DOCK11: variants seen among roughly 807,000 people sequenced by gnomAD.
The protein encoded by DOCK11 is dedicator of cytokinesis protein 11.
DOCK11 carries 70 observed loss-of-function variants against 169.1 expected under a neutral mutation model. The ratio of observed to expected loss-of-function variants is 0.41; its 90% CI spans 0.34 to 0.51. DOCK11 has a LOEUF of 0.51. DOCK11 is among the 20% of genes least tolerant of loss of function. The probability of loss-of-function intolerance (pLI) is 0.10; values close to 1 mark genes in which losing one functional copy is unlikely to be tolerated. For synonymous variants in DOCK11, 529 were observed against 541.3 expected (o/e 0.98, Z 0.32); for missense variants, 1,166 against 1,538.8 (o/e 0.76, Z 4.05).
intron 6 of DOCK11, among the ~76,000 whole-genome samples, chrX:118,548,834 A>G (rs2012378256): frequency 8.9e-6 from 1 of 112,318 alleles, no homozygotes; most frequent in Non-Finnish European, 1.9e-5. Flanking sequence ...AATTTATTAC[A>G]ACAGCAATAG....
chrX:118,638,009 T>G (rs952679777), intron 36 of DOCK11, 71 bp from the exon 37 acceptor site: 13 of 925,844 alleles, frequency 1.4e-5, no homozygotes, highest in Non-Finnish European at 2.0e-5. Flanking sequence ...ACTTATGACT[T>G]TTAAAATATC....
At chrX:118,535,066 G>A (rs1357181686) in intron 1 of DOCK11, among the ~76,000 whole-genome samples, 4 of 112,316 alleles carry the variant, frequency 3.6e-5, no homozygotes, top group Non-Finnish European at 7.5e-5. Context: ...TCATCAGGGC[G>A]ATAGGAAGGC....
Position 118,566,178 on chromosome X carries a change from A to G in DOCK11, c.867A>G (p.Ala289=), listed in dbSNP as rs2286977. The G allele has an allele frequency of 0.37, 439,715 of 1,193,408 alleles. 55,847 individuals are homozygous for G. Among genetic ancestry groups the G allele is most frequent in the East Asian group, 0.56 (18,944 of 33,562 alleles). ...VQEKKETVET[A]QDDETSSQGK... is the part of the protein sequence containing the mutation. ...AAAAAAAGGAGACGGTAGAAACAGC[A>G]CAAGGTCAGAATTTTAAAGTGATTT... The change falls in exon 8 of 53, where the codon GCA becomes GCG. Residue 289 remains alanine (A), a synonymous_variant. Coordinates refer to ENST00000276202, the MANE Select transcript of DOCK11 (RefSeq NM_144658.4).
At chrX:118,527,272 A>G (rs2011398860) in intron 1 of DOCK11, among the ~76,000 whole-genome samples, 1 of 112,513 alleles carries the variant, frequency 8.9e-6, no homozygotes, top group African/African-American at 3.2e-5. Context: ...CAATTGATAT[A>G]GATCCAGTCA....
At chrX:118,587,776 A>G (rs1338641702) in intron 16 of DOCK11, among the ~76,000 whole-genome samples, 1 of 112,366 alleles carries the variant, frequency 8.9e-6, no homozygotes, top group African/African-American at 3.2e-5. Flanking sequence ...CCTGATACCA[A>G]TAAAAATTTG....
chrX:118,533,371 A>C (rs1652838168), intron 1 of DOCK11, among the ~76,000 whole-genome samples: 1 of 112,364 alleles, frequency 8.9e-6, no homozygotes, highest in African/African-American at 3.2e-5. Context: ...GGTAGAGATA[A>C]TTTCAATTAA....
chrX:118,605,605 T>C (rs1381202613), intron 24 of DOCK11, among the ~76,000 whole-genome samples: 2 of 112,341 alleles, frequency 1.8e-5, no homozygotes, highest in South Asian at 3.7e-4. Flanking sequence ...GATTGATTTC[T>C]AGTTTCATTC....
intron 37 of DOCK11, 44 bp from the exon 38 acceptor site, chrX:118,639,391 T>C: frequency 2.5e-6 from 3 of 1,178,725 alleles, no homozygotes; most frequent in Non-Finnish European, 3.4e-6. Flanking sequence ...CATTGAGATA[T>C]GTTATTAGAG....
chrX:118,536,858 C>T (rs759725158), intron 1 of DOCK11, among the ~76,000 whole-genome samples: 6 of 111,350 alleles, frequency 5.4e-5, no homozygotes, highest in African/African-American at 1.6e-4. Flanking sequence ...TCTGTGCTGC[C>T]GGAAATTGCA....
At chrX:118,516,004 A>ACTCTATATATATATATATATATATAT (rs1436837389) in intron 1 of DOCK11, among the ~76,000 whole-genome samples, 2 of 44,944 alleles carry the variant, frequency 4.4e-5, no homozygotes, top group Admixed American at 2.8e-4. Flanking sequence ...GATTTGGGCA[A>ACTCTATATATATATATATATATATAT]ATATATATAT....
chrX:118,557,578 A>G (rs2012741256), intron 6 of DOCK11, among the ~76,000 whole-genome samples: 1 of 108,626 alleles, frequency 9.2e-6, no homozygotes, highest in Non-Finnish European at 1.9e-5. Flanking sequence ...ATCCTGGCTA[A>G]CATGGTGAAA....
At chrX:118,581,805 TAAAAAAAAAAAAAAA>T (rs35095116) in intron 14 of DOCK11, among the ~76,000 whole-genome samples, 69 of 12,743 alleles carry the variant, frequency 5.4e-3, no homozygotes, top group African/African-American at 0.019. Flanking sequence ...CTCCGTCTCC[TAAAAAAAAAAAAAAA>T]AAAAAAAAAA....
intron 31 of DOCK11, among the ~76,000 whole-genome samples, chrX:118,622,491 T>C (rs2014999090): frequency 9.0e-6 from 1 of 111,684 alleles, no homozygotes; most frequent in African/African-American, 3.3e-5. Context: ...AATGACTGTA[T>C]GTTTTCCTGT....
At chrX:118,611,920 T>C (rs953082788) in intron 28 of DOCK11, among the ~76,000 whole-genome samples, 2 of 111,564 alleles carry the variant, frequency 1.8e-5, no homozygotes, top group Non-Finnish European at 3.8e-5. Flanking sequence ...ATGCCCAGTA[T>C]TTTTAGTAGA....
In DOCK11 at chrX:118,594,911, A is replaced by G. The variant is rs766837215; in HGVS notation, c.2263+1574A>G. Among the ~76,000 whole-genome samples the G allele has an allele frequency of 2.7e-5, 3 of 110,933 alleles. No individual in the cohort carries two copies. In the Admixed American group the frequency reaches 2.9e-4, roughly 11 times the overall value. ...GGAACAGCTTGTACAGAGGCAGAGT[A>G]TCAAGAGGCATGGACAGGAAACCAC... On this transcript the variant is annotated intron_variant, in intron 20 of 52. Coordinates refer to ENST00000276202, the MANE Select transcript of DOCK11 (RefSeq NM_144658.4).
rs2013365469 is a variant in DOCK11 at position 118,573,976 on chromosome X, C to T, written c.1347C>T (p.Tyr449=). Residue 449 remains tyrosine (Y), a synonymous_variant, in exon 12 of 53, where the codon TAC becomes TAT. Transcript: ENST00000276202. ...GSPKGSSPES[Y]IHGIAESQLR... ...CAAAGGGCTCTTCACCCGAATCTTA[C>T]ATTCATGGAATTGCCGAATCTCAGT... 1 of 1,210,405 alleles carries T rather than the reference C, an allele frequency of 8.3e-7. No homozygotes were observed. The highest frequency in any genetic ancestry group is 1.1e-6 in the Non-Finnish European group (1 of 895,361).
Position 118,557,104 on chromosome X carries a change from C to T in DOCK11, c.559-4279C>T, listed in dbSNP as rs977213161. 5.4e-5 allele frequency among the ~76,000 whole-genome samples: 6 copies of T among 112,129 alleles called. No homozygotes were observed. The Admixed American group carries it at 5.7e-4, about 11-fold the overall frequency. ...CATTCATTGTTTATTAATTTTGAAA[C>T]ATTTTATTGAGTCCAGGCATTGTTA... On this transcript the variant is annotated intron_variant, in intron 6 of 52. Transcript: ENST00000276202.
At chrX:118,656,291 A>G (rs192655439) in intron 44 of DOCK11, among the ~76,000 whole-genome samples, 55 of 110,967 alleles carry the variant, frequency 5.0e-4, no homozygotes, top group African/African-American at 1.6e-3. Flanking sequence ...ATAAATAAAT[A>G]AATGAATAAA....
intron 47 of DOCK11, among the ~76,000 whole-genome samples, chrX:118,676,281 G>T (rs1455011808): frequency 9.0e-6 from 1 of 111,349 alleles, no homozygotes; most frequent in African/African-American, 3.3e-5. Flanking sequence ...GCTTTTTAAA[G>T]TACATATTAA....
Sources: gnomAD v4.1 joint callset for allele counts (sites outside exome capture counted in the v4.1 genomes callset) on GRCh38, gnomAD v4.1.1 for gene constraint, MANE v1.5 for transcripts, NCBI Gene and HGNC (gene_info 2026-07-23, HGNC 2026-07-21) for gene names.